EXOC4: variants seen among roughly 807,000 people sequenced by gnomAD.
EXOC4 encodes SEC8-like 1.
EXOC4 carries 71 observed loss-of-function variants against 107.2 expected under a neutral mutation model. The ratio of observed to expected loss-of-function variants is 0.66; its 90% confidence interval spans 0.55 to 0.81. EXOC4 has a LOEUF of 0.81. Ranked by LOEUF, EXOC4 falls within the 30% of genes least tolerant of loss-of-function variation. The pLI, the probability that EXOC4 is intolerant of heterozygous loss-of-function variation, is 0.00. For synonymous variants in EXOC4, 456 were observed against 441.2 expected (o/e 1.03, Z -0.42); for missense variants, 1,108 against 1,189.6 (o/e 0.93, Z 1.01).
At chr7:133,699,019 AG>A (rs1794599182) in intron 10 of EXOC4, among the ~76,000 whole-genome samples, 1 of 152,224 alleles carries the variant, frequency 6.6e-6, no homozygotes, top group South Asian at 2.1e-4. Context: ...GTTTAGTATC[AG>A]CATTCACTTT....
In EXOC4 at chr7:134,015,604, C is replaced by T. The variant is rs548845330; in HGVS notation, c.2687+7769C>T. On this transcript the variant is annotated intron_variant, in intron 17 of 17. Transcript: ENST00000253861. ...TAAGAAAGTGGTAGGGGGCTAGGCA[C>T]GGTGGCTCACACCTGTAATCCCAGC... Among the ~76,000 whole-genome samples the T allele has an allele frequency of 4.1e-4, 63 of 152,180 alleles. 4 individuals carry two copies. The South Asian group carries it at 0.011, about 27-fold the overall frequency.
chr7:133,855,433 T>C (rs991645723), intron 11 of EXOC4, among the ~76,000 whole-genome samples: 11 of 152,004 alleles, frequency 7.2e-5, no homozygotes, highest in Non-Finnish European at 2.9e-5. Flanking sequence ...GTCTTCCATT[T>C]ATCAGGCAGG....
chr7:133,683,729 G>A (rs2991239), intron 10 of EXOC4, among the ~76,000 whole-genome samples: 150,185 of 152,164 alleles, frequency 0.99, 74,156 homozygotes, highest in Middle Eastern at 1. Flanking sequence ...GGGCACTCAT[G>A]TGAGATTGTA....
intron 10 of EXOC4, among the ~76,000 whole-genome samples, chr7:133,795,035 G>T (rs1176607389): frequency 2.0e-5 from 3 of 149,530 alleles, no homozygotes; most frequent in Admixed American, 1.4e-4. Context: ...CATTATGCAT[G>T]TGTTCTTAAA....
the EXOC4 span, among the ~76,000 whole-genome samples, chr7:134,082,990 G>A: frequency 7.9e-5 from 12 of 152,236 alleles, no homozygotes; most frequent in African/African-American, 2.7e-4. Context: ...TTACTGAGGG[G>A]ACAGGGAGTA....
At chr7:133,370,036 G>T (rs543006996) in intron 6 of EXOC4, among the ~76,000 whole-genome samples, 3 of 151,850 alleles carry the variant, frequency 2.0e-5, no homozygotes, top group African/African-American at 7.2e-5. Context: ...CAGGTGATCC[G>T]CCACCTCGGC....
At chr7:133,388,874 A>G (rs1034756064) in intron 7 of EXOC4, among the ~76,000 whole-genome samples, 5 of 152,228 alleles carry the variant, frequency 3.3e-5, no homozygotes, top group African/African-American at 1.2e-4. Context: ...AAATTTATTT[A>G]TTGAAGAAAC....
At chr7:133,981,207 GCTT>G (rs1373457883) in intron 14 of EXOC4, among the ~76,000 whole-genome samples, 2 of 152,156 alleles carry the variant, frequency 1.3e-5, no homozygotes, top group East Asian at 1.9e-4. Context: ...GGCAGGGTCA[GCTT>G]CTTCTTCCAG....
chr7:134,092,922 C>CAAAAAAA, the EXOC4 span, among the ~76,000 whole-genome samples: 417 of 80,416 alleles, frequency 5.2e-3, 8 homozygotes, highest in African/African-American at 0.018. Context: ...GACTCCATCT[C>CAAAAAAA]AAAAAAAAAA....
At chr7:133,717,791 A>T (rs1460254442) in intron 10 of EXOC4, among the ~76,000 whole-genome samples, 1 of 152,240 alleles carries the variant, frequency 6.6e-6, no homozygotes, top group African/African-American at 2.4e-5. Context: ...TGGGGAGCTT[A>T]CAGTTTCATT....
At chr7:134,032,180 T>C (rs1331606493) in intron 17 of EXOC4, among the ~76,000 whole-genome samples, 1 of 152,218 alleles carries the variant, frequency 6.6e-6, no homozygotes, top group East Asian at 1.9e-4. Flanking sequence ...CTGAAGTTTT[T>C]TCTTATAACT....
At chr7:133,568,311 T>C (rs1017801491) in intron 9 of EXOC4, among the ~76,000 whole-genome samples, 3 of 152,086 alleles carry the variant, frequency 2.0e-5, no homozygotes, top group Admixed American at 6.6e-5. Context: ...CATTTATACT[T>C]TGGCTTTCCT....
At chr7:133,821,682 C>T (rs564629139) in intron 11 of EXOC4, among the ~76,000 whole-genome samples, 1 of 152,284 alleles carries the variant, frequency 6.6e-6, no homozygotes, top group Admixed American at 6.5e-5. Context: ...AAATCCCTTA[C>T]TTTTCGGTAC....
intron 17 of EXOC4, among the ~76,000 whole-genome samples, chr7:134,055,322 T>C (rs897288654): frequency 3.3e-5 from 5 of 152,162 alleles, no homozygotes; most frequent in African/African-American, 9.7e-5. Flanking sequence ...CCAGAGGCTG[T>C]AGTGGGTTGC....
intron 10 of EXOC4, among the ~76,000 whole-genome samples, chr7:133,699,253 C>T (rs557152897): frequency 1.6e-4 from 24 of 152,258 alleles, no homozygotes; most frequent in East Asian, 1.5e-3. Flanking sequence ...TCAAAAGAGC[C>T]TTCTCCGCCT....
chr7:133,705,228 G>A (rs181652895), intron 10 of EXOC4, among the ~76,000 whole-genome samples: 3 of 152,198 alleles, frequency 2.0e-5, no homozygotes, highest in Admixed American at 1.3e-4. Context: ...TTAGCCAGGT[G>A]TGGTGGTGTG....
At chr7:134,006,775 G>T (rs759406440) in intron 16 of EXOC4, among the ~76,000 whole-genome samples, 2 of 152,144 alleles carry the variant, frequency 1.3e-5, no homozygotes, top group Admixed American at 6.5e-5. Flanking sequence ...AGGAAGAAAC[G>T]TTTACTGAAT....
At chr7:133,355,791 C>T (rs552567633) in intron 5 of EXOC4, among the ~76,000 whole-genome samples, 2 of 151,144 alleles carry the variant, frequency 1.3e-5, no homozygotes, top group Non-Finnish European at 3.0e-5. Flanking sequence ...TCTTCGTTAC[C>T]CTATTTCCTC....
At position 133,427,568 on chromosome 7, in the gene EXOC4, G is replaced by A. The variant is rs144764207; in HGVS notation, c.1183-47760G>A. On this transcript the variant is annotated intron_variant, in intron 7 of 17. Coordinates refer to ENST00000253861, the MANE Select transcript of EXOC4 (RefSeq NM_021807.4). ...TTGTATCTTGGATTAGCTTTTATCA[G>A]CTACTCTGCACCCTCATTTTTGCCA... Among the ~76,000 whole-genome samples the A allele has an allele frequency of 3.9e-4, 60 of 152,290 alleles. 1 individual carries two copies. The highest frequency in any genetic ancestry group is 1.3e-3 in the African/African-American group (55 of 41,548).
Sources: gnomAD v4.1 joint callset for allele counts (sites outside exome capture counted in the v4.1 genomes callset) on GRCh38, gnomAD v4.1.1 for gene constraint, MANE v1.5 for transcripts, NCBI Gene and HGNC (gene_info 2026-07-23, HGNC 2026-07-21) for gene names.